The following CC2D2A variants were observed in gnomAD, a reference collection of about 807,000 sequenced individuals.
CC2D2A encodes coiled-coil and C2 domain-containing protein 2A.
CC2D2A carries 155 observed loss-of-function variants against 212.9 expected under a neutral mutation model. The ratio of observed to expected loss-of-function variants is 0.73; its 90% CI spans 0.64 to 0.83. The LOEUF (loss-of-function observed/expected upper bound fraction) is 0.83. Among genes scored for constraint, CC2D2A ranks in the 40% least tolerant of loss-of-function variants. The probability of loss-of-function intolerance (pLI) is 0.00; values close to 1 mark genes in which losing one functional copy is unlikely to be tolerated. For missense variants in CC2D2A, 1,856 were observed against 1,956.2 expected, an observed-to-expected ratio of 0.95 and a Z score of 0.97; for synonymous variants, 667 against 686.5, an observed-to-expected ratio of 0.97 and a Z score of 0.44.
At chr4:15,515,748 T>A in intron 9 of CC2D2A, 120 bp from the exon 10 acceptor site, 1 of 991,622 alleles carries the variant, frequency 1.0e-6, no homozygotes, top group Non-Finnish European at 1.4e-6. Context: ...AAAATTAATT[T>A]GGAAAATTTG....
At chr4:15,593,170 A>C (rs1388036214) in intron 33 of CC2D2A, among the ~76,000 whole-genome samples, 2 of 152,202 alleles carry the variant, frequency 1.3e-5, no homozygotes, top group Non-Finnish European at 2.9e-5. Flanking sequence ...ACTTCACTGC[A>C]TACAGATTTA....
chr4:15,503,700 C>T (rs1335556714), intron 6 of CC2D2A, among the ~76,000 whole-genome samples: 1 of 152,124 alleles, frequency 6.6e-6, no homozygotes, highest in African/African-American at 2.4e-5. Context: ...CTATTGACAA[C>T]AGTAAGGGGA....
At chr4:15,514,951 C>A in intron 9 of CC2D2A, 82 bp downstream of exon 9, 1 of 1,223,944 alleles carries the variant, frequency 8.2e-7, no homozygotes, top group Non-Finnish European at 1.2e-6. Flanking sequence ...TATAAGGATG[C>A]CTCATCTCCA....
intron 4 of CC2D2A, among the ~76,000 whole-genome samples, chr4:15,483,273 A>C (rs946641231): frequency 9.8e-5 from 15 of 152,352 alleles, no homozygotes; most frequent in African/African-American, 3.6e-4. Context: ...TAGGCAGGCA[A>C]GGATAGCAAG....
At chr4:15,482,363 C>CT in intron 4 of CC2D2A, 1 of 882,984 alleles carries the variant, frequency 1.1e-6, no homozygotes, top group Non-Finnish European at 1.4e-6. Flanking sequence ...ATACTATAGA[C>CT]TGGGGGGCTT....
At chr4:15,514,384 T>C (rs1271413170) in intron 8 of CC2D2A, among the ~76,000 whole-genome samples, 1 of 152,154 alleles carries the variant, frequency 6.6e-6, no homozygotes, top group Non-Finnish European at 1.5e-5. Context: ...GCCCAATTCT[T>C]TACATAAATG....
rs764931688 is a variant in CC2D2A at position 15,511,215 on chromosome 4, G to A, written c.541-32G>A. 1.0e-5 allele frequency: 16 copies of A among 1,568,382 alleles called. No individual in the cohort carries two copies. In the South Asian group the frequency reaches 1.8e-4, roughly 18 times the overall value. The stretch of plus-strand genomic sequence containing the variant: ...CAGAGCGCATTACAGCTTATAAATG[G>A]GAAATTGCGATTGCTCCTTGCTTTT... On this transcript the variant is annotated intron_variant, in intron 7 of 36. Coordinates refer to ENST00000424120, the MANE Select transcript of CC2D2A (RefSeq NM_001378615.1).
intron 35 of CC2D2A, among the ~76,000 whole-genome samples, chr4:15,597,816 A>G (rs1368468808): frequency 1.3e-5 from 2 of 152,186 alleles, no homozygotes; most frequent in South Asian, 2.1e-4. Context: ...TAGTTTATGG[A>G]CCTAACACAT....
chr4:15,526,120 C>A (rs1292775011), intron 11 of CC2D2A, among the ~76,000 whole-genome samples: 1 of 152,182 alleles, frequency 6.6e-6, no homozygotes, highest in Non-Finnish European at 1.5e-5. Flanking sequence ...CTCTGCACAT[C>A]CCAGACTTCA....
At chr4:15,500,203 T>C (rs1715868144) in intron 4 of CC2D2A, among the ~76,000 whole-genome samples, 1 of 151,564 alleles carries the variant, frequency 6.6e-6, no homozygotes, top group African/African-American at 2.4e-5. Context: ...TCCTACTTGA[T>C]CTGCAAAGCC....
chr4:15,599,569 C>A lies in CC2D2A; in HGVS notation c.4537C>A (p.Pro1513Thr). The A allele has an allele frequency of 6.3e-7, 1 of 1,596,232 alleles. No homozygotes were observed. The change falls in exon 36 of 37, where the codon CCA (proline) becomes ACA (threonine). Residue 1513 changes from proline (P) to threonine (T), a missense_variant. Transcript: ENST00000424120. ...AAAAGAAAAAATCATGGACTGGAGG[C>A]CACGCCATCTGACTCGGTGGAATAG... ...ILKEKIMDWRPRHLTRWNRYC... is the reference protein window; with the variant it reads ...ILKEKIMDWRTRHLTRWNRYC...
At chr4:15,600,676 C>T (rs1362709073) in intron 36 of CC2D2A, among the ~76,000 whole-genome samples, 5 of 152,072 alleles carry the variant, frequency 3.3e-5, no homozygotes, top group East Asian at 1.9e-4. Context: ...GCTGAGGCAG[C>T]GGATCGCTTG....
intron 13 of CC2D2A, 83 bp from the exon 14 acceptor site, chr4:15,533,110 T>C: frequency 8.8e-7 from 1 of 1,130,646 alleles, no homozygotes; most frequent in Non-Finnish European, 1.2e-6. Flanking sequence ...AAATTGAATA[T>C]ACAATCACTG....
At chr4:15,601,178 GA>G (rs1721577321) in intron 36 of CC2D2A, 58 bp from the exon 37 acceptor site, 2 of 1,369,874 alleles carry the variant, frequency 1.5e-6, no homozygotes, top group Non-Finnish European at 2.0e-6. Context: ...ATTTACGTAG[GA>G]AAAAATGTAT....
chr4:15,557,227 C>T, intron 20 of CC2D2A, 77 bp from the exon 21 acceptor site: 7 of 861,034 alleles, frequency 8.1e-6, no homozygotes, highest in East Asian at 5.0e-5. Context: ...GTTAAATGTT[C>T]CTTGACACTC....
intron 4 of CC2D2A, chr4:15,481,111 G>A (rs1714613011): frequency 2.1e-6 from 1 of 468,250 alleles, no homozygotes; most frequent in African/African-American, 2.0e-5. Flanking sequence ...CCTAGTGGGA[G>A]GTGTCTGGGT....
At chr4:15,526,014 C>T (rs942105432) in intron 11 of CC2D2A, among the ~76,000 whole-genome samples, 2 of 152,218 alleles carry the variant, frequency 1.3e-5, no homozygotes, top group South Asian at 4.1e-4. Flanking sequence ...TTCCAGTTTT[C>T]AAGGGCATTT....
At chr4:15,557,589 T>G in intron 21 of CC2D2A, 82 bp downstream of exon 21, 1 of 915,448 alleles carries the variant, frequency 1.1e-6, no homozygotes, top group Non-Finnish European at 1.6e-6. Context: ...ATGTATTTTG[T>G]TTTTGTTATG....
intron 4 of CC2D2A, among the ~76,000 whole-genome samples, chr4:15,497,809 A>G (rs754599338): frequency 2.6e-4 from 40 of 152,286 alleles, no homozygotes; most frequent in Middle Eastern, 3.4e-3. Context: ...TTCTCAGAGA[A>G]TGCCTATTCA....
Sources: gnomAD v4.1 joint callset for allele counts (sites outside exome capture counted in the v4.1 genomes callset) on GRCh38, gnomAD v4.1.1 for gene constraint, MANE v1.5 for transcripts, NCBI Gene and HGNC (gene_info 2026-07-23, HGNC 2026-07-21) for gene names.